The following SULT1E1 variants were observed in gnomAD, a reference collection of about 807,000 sequenced individuals.
SULT1E1 encodes the protein sulfotransferase 1E1.
In SULT1E1, 36 loss-of-function variants were observed where a neutral mutation model predicts 33.6. The ratio of observed to expected loss-of-function variants is 1.07; its 90% CI spans 0.82 to 1.41. The LOEUF (loss-of-function observed/expected upper bound fraction) is 1.41. SULT1E1 is among the 40% of genes most tolerant of loss of function. The probability of loss-of-function intolerance (pLI) is 0.00; values close to 1 mark genes in which losing one functional copy is unlikely to be tolerated. For synonymous variants in SULT1E1, 121 were observed against 111.7 expected, an observed-to-expected ratio of 1.08 and a Z score of -0.53; for missense variants, 371 against 345.7, an observed-to-expected ratio of 1.07 and a Z score of -0.58.
chr4:69,846,152 A>C (rs1489887036), intron 6 of SULT1E1, among the ~76,000 whole-genome samples: 1 of 149,980 alleles, frequency 6.7e-6, no homozygotes, highest in African/African-American at 2.4e-5. Context: ...AAATTATGAG[A>C]TATATGTATA....
chr4:69,828,323 C>T, the SULT1E1 span, among the ~76,000 whole-genome samples: 22 of 152,192 alleles, frequency 1.4e-4, no homozygotes, highest in Non-Finnish European at 2.6e-4. Flanking sequence ...TTTTGGTCCT[C>T]ACTACCTTTA....
At chr4:69,837,771 A>G (rs2110062894), downstream of SULT1E1, among the ~76,000 whole-genome samples, 1 of 152,114 alleles carries the variant, frequency 6.6e-6, no homozygotes, top group East Asian at 1.9e-4. Flanking sequence ...GTTCAAGCAG[A>G]CCTCCCACCT....
the SULT1E1 span, among the ~76,000 whole-genome samples, chr4:69,828,097 C>A: frequency 6.6e-6 from 1 of 152,158 alleles, no homozygotes; most frequent in Non-Finnish European, 1.5e-5. Context: ...CACTGAGTCC[C>A]AGGTACATTT....
intron 4 of SULT1E1, among the ~76,000 whole-genome samples, chr4:69,852,032 G>A (rs1721125976): frequency 6.6e-6 from 1 of 152,036 alleles, no homozygotes; most frequent in Admixed American, 6.6e-5. Flanking sequence ...TAAATGACAA[G>A]TTAATGGGTG....
chr4:69,835,632 T>C, the SULT1E1 span, among the ~76,000 whole-genome samples: 1 of 152,228 alleles, frequency 6.6e-6, no homozygotes, highest in African/African-American at 2.4e-5. Context: ...AAATATTTAC[T>C]GAATACTGAT....
At chr4:69,835,562 G>A in the SULT1E1 span, among the ~76,000 whole-genome samples, 5 of 152,072 alleles carry the variant, frequency 3.3e-5, no homozygotes, top group Non-Finnish European at 5.9e-5. Flanking sequence ...AGATAAAGGT[G>A]TAATAATAAA....
the SULT1E1 span, among the ~76,000 whole-genome samples, chr4:69,828,547 A>C: frequency 0.039 from 5,956 of 152,206 alleles, 384 homozygotes; most frequent in African/African-American, 0.14. Flanking sequence ...CTGAAGGAAC[A>C]AACTCTGGAC....
chr4:69,833,077 GC>G, the SULT1E1 span, among the ~76,000 whole-genome samples: 1 of 151,848 alleles, frequency 6.6e-6, no homozygotes, highest in Non-Finnish European at 1.5e-5. Flanking sequence ...TTTTTATTTT[GC>G]TTTTCTTTCT....
At chr4:69,847,921 T>G in intron 5 of SULT1E1, 129 bp from the exon 6 acceptor site, 25 of 468,172 alleles carry the variant, frequency 5.3e-5, no homozygotes, top group Non-Finnish European at 6.7e-5. Context: ...AGATCAGCTG[T>G]ATATCTTAAG....
At chr4:69,855,955 C>T (rs1373760250) in intron 2 of SULT1E1, among the ~76,000 whole-genome samples, 1 of 152,138 alleles carries the variant, frequency 6.6e-6, no homozygotes, top group East Asian at 1.9e-4. Context: ...ATTTAAATAA[C>T]TGCAAAGAAG....
chr4:69,826,782 G>T, the SULT1E1 span, among the ~76,000 whole-genome samples: 1 of 152,118 alleles, frequency 6.6e-6, no homozygotes, highest in Non-Finnish European at 1.5e-5. Flanking sequence ...AAGAGGGAAG[G>T]CAAATGGAGC....
downstream of SULT1E1, chr4:69,841,109 CT>C (rs751347923): frequency 2.0e-5 from 3 of 151,988 alleles, no homozygotes; most frequent in Admixed American, 6.6e-5. Context: ...GTTATGCCCC[CT>C]ATTTATATAT....
the SULT1E1 span, among the ~76,000 whole-genome samples, chr4:69,829,270 G>C: frequency 6.6e-6 from 1 of 152,164 alleles, no homozygotes; most frequent in African/African-American, 2.4e-5. Context: ...GTATTCCACA[G>C]TGACTGGCAT....
chr4:69,846,305 C>T (rs895758054), intron 6 of SULT1E1, among the ~76,000 whole-genome samples: 1 of 107,040 alleles, frequency 9.3e-6, no homozygotes, highest in Admixed American at 1.0e-4. Context: ...ACAAAACAAT[C>T]AAAAAAAAAA....
chr4:69,852,010 A>T, intron 4 of SULT1E1, among the ~76,000 whole-genome samples: 1 of 152,250 alleles, frequency 6.6e-6, no homozygotes, highest in African/African-American at 2.4e-5. Flanking sequence ...GCATTAGAAG[A>T]TATACCTAAT....
chr4:69,852,045 G>C (rs1456550504), intron 4 of SULT1E1, among the ~76,000 whole-genome samples: 1 of 152,026 alleles, frequency 6.6e-6, no homozygotes, highest in African/African-American at 2.4e-5. Context: ...AATGGGTGCA[G>C]GATACCAACA....
chr4:69,841,479 G>C lies in SULT1E1; in HGVS notation c.*515C>G, dbSNP rs1406629953. The stretch of plus-strand genomic sequence containing the variant: ...GCCTGTAATCCCAGTATTTTGGGAG[G>C]CTGGTGTGGGAAGATCACTTGAGCT... On this transcript the variant is annotated 3_prime_UTR_variant, in exon 8 of 8. Coordinates refer to ENST00000226444, the MANE Select transcript of SULT1E1 (RefSeq NM_005420.3). 1.3e-5 allele frequency: 2 copies of C among 152,472 alleles called. No homozygotes were observed. The highest frequency in any genetic ancestry group is 2.9e-5 in the Non-Finnish European group (2 of 68,314). The allele number at this position is 152,472 out of a possible 1,614,324, so 9.4% of individuals were successfully genotyped here.
chr4:69,858,832 G>A (rs2109668811), intron 1 of SULT1E1, among the ~76,000 whole-genome samples: 1 of 152,124 alleles, frequency 6.6e-6, no homozygotes. Context: ...GATTTGTCCT[G>A]CCTATTGGTT....
chr4:69,842,556 T>C (rs1291244356), intron 7 of SULT1E1, among the ~76,000 whole-genome samples: 1 of 152,248 alleles, frequency 6.6e-6, no homozygotes, highest in African/African-American at 2.4e-5. Flanking sequence ...AAATTCATTT[T>C]ATTCCTTAGC....
Sources: allele counts gnomAD v4.1 joint callset (sites outside exome capture counted in the v4.1 genomes callset), GRCh38; gene constraint gnomAD v4.1.1; transcripts MANE v1.5; gene names NCBI Gene and HGNC (gene_info 2026-07-23, HGNC 2026-07-21).